Variants in FOCAD observed in about 807,000 individuals in gnomAD.
FOCAD encodes focadhesin, also known as KIAA1797.
In FOCAD, 198 loss-of-function variants were observed where a neutral mutation model predicts 225.6. That is an observed-to-expected ratio of 0.88 (90% CI 0.78 to 0.99). The LOEUF (loss-of-function observed/expected upper bound fraction) is 0.99. Among genes scored for constraint, FOCAD ranks in the 50% least tolerant of loss-of-function variants. The probability of loss-of-function intolerance (pLI) is 0.00; values close to 1 mark genes in which losing one functional copy is unlikely to be tolerated. For synonymous variants in FOCAD, 897 were observed against 755.0 expected (o/e 1.19, Z -3.08); for missense variants, 2,713 against 2,123.6 (o/e 1.28, Z -5.46).
chr9:20,948,118 A>G (rs1379510186), intron 30 of FOCAD, among the ~76,000 whole-genome samples, 153 bp from the exon 31 acceptor site: 1 of 130,718 alleles, frequency 7.7e-6, no homozygotes, highest in Non-Finnish European at 1.8e-5. Flanking sequence ...ACAAAAAACA[A>G]AAAAACACTT....
chr9:20,929,315 A>T (rs1275757211), intron 26 of FOCAD, 43 bp from the exon 27 acceptor site: 4 of 1,512,568 alleles, frequency 2.6e-6, no homozygotes, highest in Non-Finnish European at 3.7e-6. Flanking sequence ...TGCTTCCTTC[A>T]TGTTTAAGGC....
In FOCAD at chr9:20,757,999, G is replaced by C. The variant is rs959663086; in HGVS notation, c.393-91G>C. On this transcript the variant is annotated intron_variant, in intron 5 of 43. Coordinates refer to ENST00000338382, the MANE Select transcript of FOCAD (RefSeq NM_001375567.1). ...GAATCGTGAAAAAAGTCTCTAGATG[G>C]TAGGTACTGGCTTCTTTGCTGCTAT... is the stretch of plus-strand genomic sequence containing the variant. 6.2e-6 allele frequency: 4 copies of C among 643,038 alleles called. No individual in the cohort carries two copies. The African/African-American group carries it at 7.5e-5, about 12-fold the overall frequency. The allele number at this position is 643,038 out of a possible 1,614,324, so 39.8% of individuals were successfully genotyped here.
At chr9:20,938,353 G>A (rs1836228598) in intron 28 of FOCAD, among the ~76,000 whole-genome samples, 1 of 152,092 alleles carries the variant, frequency 6.6e-6, no homozygotes, top group South Asian at 2.1e-4. Flanking sequence ...ATGATAGACT[G>A]GATTAAGAAA....
intron 24 of FOCAD, among the ~76,000 whole-genome samples, chr9:20,918,242 C>G (rs1479004587): frequency 1.3e-5 from 2 of 152,242 alleles, no homozygotes; most frequent in African/African-American, 4.8e-5. Context: ...AAACTACCAA[C>G]TTTCTCCTAA....
chr9:20,858,632 AAT>A (rs1391555104), intron 15 of FOCAD, among the ~76,000 whole-genome samples: 1 of 151,814 alleles, frequency 6.6e-6, no homozygotes, highest in Non-Finnish European at 1.5e-5. Context: ...TTGTTCTACT[AAT>A]TTTGGGTTTG....
chr9:20,831,396 G>A (rs982109560), intron 15 of FOCAD, among the ~76,000 whole-genome samples: 2 of 152,056 alleles, frequency 1.3e-5, no homozygotes, highest in African/African-American at 4.8e-5. Flanking sequence ...GACACAAAAT[G>A]TGTTAACCTT....
chr9:20,847,930 A>C (rs916300563), intron 15 of FOCAD, among the ~76,000 whole-genome samples: 1 of 152,112 alleles, frequency 6.6e-6, no homozygotes, highest in Non-Finnish European at 1.5e-5. Context: ...AAAATGATTA[A>C]GGATCAAATT....
intron 33 of FOCAD, among the ~76,000 whole-genome samples, chr9:20,950,136 T>G (rs1185607794): frequency 6.6e-6 from 1 of 151,610 alleles, no homozygotes; most frequent in Non-Finnish European, 1.5e-5. Context: ...GTTTTAAGAT[T>G]TAAAAAAAAA....
chr9:20,757,905 G>A (rs377297466), intron 5 of FOCAD, among the ~76,000 whole-genome samples, 185 bp from the exon 6 acceptor site: 1 of 152,252 alleles, frequency 6.6e-6, no homozygotes, highest in African/African-American at 2.4e-5. Context: ...GAAAAGGCAG[G>A]GGGGAGAGTC....
chr9:20,655,780 G>C (rs550041126), upstream of FOCAD, among the ~76,000 whole-genome samples: 22 of 152,082 alleles, frequency 1.4e-4, 1 homozygote, highest in African/African-American at 5.3e-4. Flanking sequence ...ATTTCCTTCA[G>C]TTCTGCTCTG....
At chr9:20,993,442 G>A in intron 43 of FOCAD, 114 bp downstream of exon 43, 1 of 844,130 alleles carries the variant, frequency 1.2e-6, no homozygotes, top group Non-Finnish European at 1.9e-6. Flanking sequence ...GAAATGCTTG[G>A]GACCAGAGGT....
chr9:20,904,372 C>T (rs1265019418), intron 21 of FOCAD, among the ~76,000 whole-genome samples: 1 of 151,884 alleles, frequency 6.6e-6, no homozygotes, highest in Non-Finnish European at 1.5e-5. Context: ...TTTTTATTCC[C>T]ACTAGCACTT....
At chr9:20,901,087 A>G (rs1375605279) in intron 21 of FOCAD, among the ~76,000 whole-genome samples, 2 of 151,850 alleles carry the variant, frequency 1.3e-5, no homozygotes, top group African/African-American at 4.8e-5. Flanking sequence ...TTGATGGAAT[A>G]CTGAAGCCCA....
intron 5 of FOCAD, among the ~76,000 whole-genome samples, chr9:20,753,447 T>C (rs913057363): frequency 5.3e-5 from 8 of 151,682 alleles, no homozygotes; most frequent in East Asian, 3.9e-4. Context: ...GTTCTGTTTA[T>C]ATGCTGGATT....
intron 35 of FOCAD, among the ~76,000 whole-genome samples, chr9:20,956,302 G>A (rs1462575537): frequency 6.6e-6 from 1 of 152,150 alleles, no homozygotes; most frequent in Non-Finnish European, 1.5e-5. Flanking sequence ...TGGTTGCCAA[G>A]GTTATGTGTG....
intron 10 of FOCAD, chr9:20,787,078 G>A: frequency 3.0e-6 from 1 of 329,150 alleles, no homozygotes; most frequent in South Asian, 2.5e-5. Context: ...CTAACCTTAG[G>A]CAAACAAACA....
At chr9:20,890,973 G>C (rs1322107179) in intron 21 of FOCAD, among the ~76,000 whole-genome samples, 1 of 151,854 alleles carries the variant, frequency 6.6e-6, no homozygotes, top group Non-Finnish European at 1.5e-5. Context: ...GCCCTGTATT[G>C]AGCAATTATC....
chr9:20,895,445 A>C (rs146153342), intron 21 of FOCAD, among the ~76,000 whole-genome samples: 1 of 151,986 alleles, frequency 6.6e-6, no homozygotes, highest in South Asian at 2.1e-4. Context: ...TCAAAAATCC[A>C]TGAACCTGGA....
At position 20,860,463 on chromosome 9, in the gene FOCAD, C is replaced by G. The variant is rs142184437; in HGVS notation, c.1921-2115C>G. ...TTGTTTGAGAATAGTGCAAAGCTCT[C>G]TTATTAGTTCCTCAGTCTCTTGGCC... is the stretch of plus-strand genomic sequence containing the variant. On this transcript the variant is annotated intron_variant, in intron 15 of 43. Coordinates refer to ENST00000338382, the MANE Select transcript of FOCAD (RefSeq NM_001375567.1). Among the ~76,000 whole-genome samples the G allele has an allele frequency of 3.4e-3, 519 of 152,232 alleles. 4 individuals are homozygous for G. Among genetic ancestry groups the G allele is most frequent in the African/African-American group, 9.5e-3 (395 of 41,532 alleles).
Sources: allele counts gnomAD v4.1 joint callset (sites outside exome capture counted in the v4.1 genomes callset), GRCh38; gene constraint gnomAD v4.1.1; transcripts MANE v1.5; gene names NCBI Gene and HGNC (gene_info 2026-07-23, HGNC 2026-07-21).